GRID2: variants seen among roughly 807,000 people sequenced by gnomAD.
GRID2 encodes the protein glutamate receptor ionotropic, delta-2.
A neutral mutation model predicts 114.8 loss-of-function variants in GRID2; 33 were observed. That is an observed-to-expected ratio of 0.29 (90% confidence interval 0.22 to 0.38). The LOEUF (loss-of-function observed/expected upper bound fraction) is 0.38. Among genes scored for constraint, GRID2 ranks in the 10% least tolerant of loss-of-function variants. The pLI is 1.00. For missense variants in GRID2, 1,184 were observed against 1,257.7 expected (o/e 0.94, Z 0.89); for synonymous variants, 505 against 449.9 (o/e 1.12, Z -1.55).
chr4:93,287,278 T>C (rs1350383855), intron 8 of GRID2, among the ~76,000 whole-genome samples: 1 of 152,150 alleles, frequency 6.6e-6, no homozygotes, highest in African/African-American at 2.4e-5. Context: ...TGAGAGAAAG[T>C]CTGGATTAGA....
chr4:93,780,989 G>A (rs1734467933), intron 1 of GRID2, among the ~76,000 whole-genome samples: 4 of 152,206 alleles, frequency 2.6e-5, no homozygotes, highest in Admixed American at 2.6e-4. Flanking sequence ...GAAGAATCAA[G>A]AGAACTTGAA....
At chr4:92,605,650 A>G (rs575305370) in intron 2 of GRID2, among the ~76,000 whole-genome samples, 16 of 152,230 alleles carry the variant, frequency 1.1e-4, no homozygotes, top group Admixed American at 2.6e-4. Context: ...TATGAAGGGA[A>G]TAGCATTCCA....
intron 14 of GRID2, among the ~76,000 whole-genome samples, chr4:93,649,967 C>CCA (rs1202886578): frequency 6.6e-6 from 1 of 152,084 alleles, no homozygotes; most frequent in Admixed American, 6.6e-5. Flanking sequence ...GTTTCCTCCC[C>CCA]CAGCTCACCT....
chr4:92,898,673 A>G (rs551770115), intron 2 of GRID2, among the ~76,000 whole-genome samples: 5 of 152,276 alleles, frequency 3.3e-5, no homozygotes. Flanking sequence ...TGGATGCTTC[A>G]GCAAAATTGC....
intron 1 of GRID2, among the ~76,000 whole-genome samples, chr4:92,428,615 TTA>T (rs1438002640): frequency 6.6e-6 from 1 of 152,198 alleles, no homozygotes; most frequent in African/African-American, 2.4e-5. Context: ...GTTATAACTA[TTA>T]TGTTTTTTGC....
At chr4:92,591,341 T>G (rs1333582033) in intron 2 of GRID2, among the ~76,000 whole-genome samples, 1 of 152,156 alleles carries the variant, frequency 6.6e-6, no homozygotes, top group Non-Finnish European at 1.5e-5. Context: ...AGCAATAAAT[T>G]TATGTTACTT....
At chr4:92,959,057 C>CTTT (rs74267681) in intron 2 of GRID2, among the ~76,000 whole-genome samples, 4 of 70,840 alleles carry the variant, frequency 5.6e-5, no homozygotes, top group Non-Finnish European at 6.2e-5. Flanking sequence ...GTCCACTCTT[C>CTTT]TTTTTTTTTT....
At chr4:93,727,620 CT>C (rs1420175194) in intron 14 of GRID2, among the ~76,000 whole-genome samples, 1 of 152,054 alleles carries the variant, frequency 6.6e-6, no homozygotes, top group African/African-American at 2.4e-5. Flanking sequence ...TGGTCCTGGA[CT>C]TTTTTTGGTT....
chr4:92,497,329 CAT>C (rs1046183067), intron 1 of GRID2, among the ~76,000 whole-genome samples: 7 of 151,756 alleles, frequency 4.6e-5, no homozygotes, highest in Non-Finnish European at 7.4e-5. Context: ...ACTAGGATAA[CAT>C]AAGGTTTTAC....
chr4:93,493,832 A>G (rs1727267763), intron 12 of GRID2, among the ~76,000 whole-genome samples: 1 of 151,822 alleles, frequency 6.6e-6, no homozygotes, highest in Non-Finnish European at 1.5e-5. Flanking sequence ...GTAACTTTGC[A>G]TTCATTTTTT....
chr4:92,771,725 G>C (rs1037271260), intron 2 of GRID2, among the ~76,000 whole-genome samples: 3 of 152,072 alleles, frequency 2.0e-5, no homozygotes, highest in African/African-American at 4.8e-5. Context: ...TAAATCACTG[G>C]GTAGGGTTGA....
At chr4:93,407,926 A>G (rs1419928641) in intron 9 of GRID2, among the ~76,000 whole-genome samples, 3 of 151,914 alleles carry the variant, frequency 2.0e-5, no homozygotes, top group Admixed American at 2.0e-4. Flanking sequence ...TTGAATTGGG[A>G]AAACAAAATA....
chr4:93,716,818 A>C, intron 14 of GRID2, among the ~76,000 whole-genome samples: 1 of 152,070 alleles, frequency 6.6e-6, no homozygotes. Flanking sequence ...TTATTGCTTA[A>C]ATCTAAGGAA....
chr4:92,737,466 A>T (rs1426662119), intron 2 of GRID2, among the ~76,000 whole-genome samples: 1 of 152,092 alleles, frequency 6.6e-6, no homozygotes, highest in Non-Finnish European at 1.5e-5. Flanking sequence ...AGTGAACAAC[A>T]ACTAACAATT....
intron 8 of GRID2, among the ~76,000 whole-genome samples, chr4:93,329,320 A>G (rs1238415522): frequency 6.6e-6 from 1 of 152,132 alleles, no homozygotes; most frequent in Non-Finnish European, 1.5e-5. Flanking sequence ...CATTGAATTT[A>G]TATCAGTAAA....
chr4:92,354,010 C>T (rs1359857503), intron 1 of GRID2, among the ~76,000 whole-genome samples: 2 of 151,960 alleles, frequency 1.3e-5, no homozygotes, highest in East Asian at 3.9e-4. Flanking sequence ...CGAAACTTTT[C>T]CAATGTGAGT....
At chr4:92,318,305 TA>T (rs1217317905) in intron 1 of GRID2, among the ~76,000 whole-genome samples, 33 of 132,612 alleles carry the variant, frequency 2.5e-4, no homozygotes, top group African/African-American at 9.8e-4. Context: ...TATATATATA[TA>T]TATTTTTTTT....
At chr4:92,841,357 C>A (rs1022042605) in intron 2 of GRID2, among the ~76,000 whole-genome samples, 1 of 151,936 alleles carries the variant, frequency 6.6e-6, no homozygotes, top group African/African-American at 2.4e-5. Flanking sequence ...AGTTTATGAC[C>A]TGTATCATCT....
intron 14 of GRID2, among the ~76,000 whole-genome samples, chr4:93,663,490 C>G (rs1349509232): frequency 1.3e-5 from 2 of 152,020 alleles, no homozygotes; most frequent in African/African-American, 4.8e-5. Flanking sequence ...GTCCAAAATA[C>G]ATATGTATGT....
Sources: gnomAD v4.1 joint callset for allele counts (sites outside exome capture counted in the v4.1 genomes callset) on GRCh38, gnomAD v4.1.1 for gene constraint, MANE v1.5 for transcripts, NCBI Gene and HGNC (gene_info 2026-07-23, HGNC 2026-07-21) for gene names.